The following NCK1 variants were observed in gnomAD, a reference collection of about 807,000 sequenced individuals.
The protein encoded by NCK1 is NCK adaptor protein 1, also known as SH2/SH3 adapter protein NCK1.
In NCK1, 19 loss-of-function variants were observed where a neutral mutation model predicts 36.6. The ratio of observed to expected loss-of-function variants is 0.52; its 90% CI spans 0.36 to 0.76. NCK1 has a LOEUF of 0.76. Among genes scored for constraint, NCK1 ranks in the 30% least tolerant of loss-of-function variants. NCK1 has a pLI of 0.00. For missense variants in NCK1, 358 were observed against 445.6 expected, an observed-to-expected ratio of 0.80 and a Z score of 1.77; for synonymous variants, 165 against 156.0, an observed-to-expected ratio of 1.06 and a Z score of -0.43.
chr3:136,893,146 TAG>T lies in NCK1; in HGVS notation c.-19+30794_-19+30795del, dbSNP rs1491458368. ...CTTTTTATGGCTAAGTAATATTCCATAGTGTGTGTGTGTGTGTGTGTGTGTGT... is the reference window on the plus strand; with the variant it reads ...CTTTTTATGGCTAAGTAATATTCCATTGTGTGTGTGTGTGTGTGTGTGTGT... On this transcript the variant is annotated intron_variant, in intron 1 of 3. Coordinates refer to ENST00000481752, the MANE Select transcript of NCK1 (RefSeq NM_001291999.2). Among the ~76,000 whole-genome samples, 13 of 81,764 alleles carry T rather than the reference TAG, an allele frequency of 1.6e-4. 1 individual carries two copies. The highest frequency in any genetic ancestry group is 6.1e-4 in the African/African-American group (13 of 21,328). The allele number at this position is 81,764 out of a possible 152,430, so 53.6% of individuals were successfully genotyped here.
chr3:136,909,971 C>T (rs1225917008), intron 1 of NCK1, among the ~76,000 whole-genome samples: 2 of 152,112 alleles, frequency 1.3e-5, no homozygotes, highest in African/African-American at 2.4e-5. Flanking sequence ...GTCTTTGGAT[C>T]TAAAGTGAGT....
chr3:136,899,707 G>T, intron 1 of NCK1: 2 of 801,264 alleles, frequency 2.5e-6, no homozygotes, highest in South Asian at 2.7e-5. Flanking sequence ...TTAGAGATAC[G>T]AGGAGACTTA....
At chr3:136,899,366 A>G (rs1231067219) in intron 1 of NCK1, 2 of 270,108 alleles carry the variant, frequency 7.4e-6, no homozygotes, top group Non-Finnish European at 1.5e-5. Context: ...TTACATTTGG[A>G]TTTAGGTTCC....
intron 1 of NCK1, among the ~76,000 whole-genome samples, chr3:136,926,726 T>G (rs1224053358): frequency 2.6e-5 from 4 of 152,228 alleles, no homozygotes; most frequent in Non-Finnish European, 1.5e-5. Context: ...CTTAGATTCA[T>G]TAGTTTTTAG....
intron 1 of NCK1, among the ~76,000 whole-genome samples, chr3:136,864,866 T>C (rs577580289): frequency 5.4e-4 from 82 of 150,668 alleles, no homozygotes; most frequent in African/African-American, 1.8e-3. Context: ...CAATCGATTC[T>C]TGTGCCTCGG....
At chr3:136,900,915 C>T (rs1939524732) in intron 1 of NCK1, among the ~76,000 whole-genome samples, 1 of 152,022 alleles carries the variant, frequency 6.6e-6, no homozygotes, top group African/African-American at 2.4e-5. Flanking sequence ...TTCCCTCTTG[C>T]CTGATTGGTC....
At chr3:136,914,269 G>A (rs570162547) in intron 1 of NCK1, among the ~76,000 whole-genome samples, 91 of 152,314 alleles carry the variant, frequency 6.0e-4, no homozygotes, top group African/African-American at 1.8e-3. Flanking sequence ...GAACACATGC[G>A]TGTCTGCCTG....
At chr3:136,906,983 G>A (rs749956215) in intron 1 of NCK1, among the ~76,000 whole-genome samples, 2 of 152,138 alleles carry the variant, frequency 1.3e-5, no homozygotes, top group Non-Finnish European at 2.9e-5. Flanking sequence ...GCTGTGGTAG[G>A]CAGGGGAGAG....
intron 1 of NCK1, among the ~76,000 whole-genome samples, chr3:136,923,105 A>ATGTG (rs34553311): frequency 2.8e-4 from 42 of 150,902 alleles, no homozygotes; most frequent in South Asian, 8.4e-4. Context: ...GCCTATGTGT[A>ATGTG]TGTGTGTGTG....
chr3:136,881,054 T>A (rs1938919248), intron 1 of NCK1, among the ~76,000 whole-genome samples: 2 of 152,138 alleles, frequency 1.3e-5, no homozygotes, highest in African/African-American at 4.8e-5. Flanking sequence ...GTGTCATACT[T>A]GATACCTTTC....
At chr3:136,896,242 T>C (rs1939387912) in intron 1 of NCK1, among the ~76,000 whole-genome samples, 1 of 152,196 alleles carries the variant, frequency 6.6e-6, no homozygotes, top group African/African-American at 2.4e-5. Context: ...ATACTTTTTC[T>C]TTAACAATAT....
At chr3:136,942,223 AT>A (rs1940697477) in intron 2 of NCK1, among the ~76,000 whole-genome samples, 1 of 152,056 alleles carries the variant, frequency 6.6e-6, no homozygotes, top group East Asian at 1.9e-4. Context: ...GTTCTCCTTC[AT>A]TTTTGAAGGA....
At chr3:136,892,748 T>G (rs1939281569) in intron 1 of NCK1, among the ~76,000 whole-genome samples, 2 of 152,170 alleles carry the variant, frequency 1.3e-5, no homozygotes, top group African/African-American at 4.8e-5. Context: ...TACACAGCAT[T>G]AGGCAATTAA....
chr3:136,949,333 G>A lies in NCK1; in HGVS notation c.*880G>A, dbSNP rs1362011292. 1 of 151,972 alleles carries A rather than the reference G, an allele frequency of 6.6e-6. No individual in the cohort carries two copies. The highest frequency in any genetic ancestry group is 2.4e-5 in the African/African-American group (1 of 41,412). The allele number at this position is 151,972 out of a possible 1,614,324, so 9.4% of individuals were successfully genotyped here. ...CCAAGTTTTGCAAAAACAGGAAGCA[G>A]TGAGATACTTGTTTTTTTCTCCTCA... On this transcript the variant is annotated 3_prime_UTR_variant, in exon 4 of 4. Transcript: ENST00000481752.
intron 1 of NCK1, among the ~76,000 whole-genome samples, chr3:136,896,736 A>G (rs1331625349): frequency 6.6e-6 from 1 of 152,144 alleles, no homozygotes; most frequent in East Asian, 1.9e-4. Flanking sequence ...CCTGGGCTCA[A>G]GCAGTCCTCC....
chr3:136,913,094 G>A lies in NCK1; in HGVS notation c.-18-14890G>A, dbSNP rs191223814. 4.8e-4 allele frequency among the ~76,000 whole-genome samples: 72 copies of A among 151,438 alleles called. No individual in the cohort carries two copies. In the Middle Eastern group the frequency reaches 0.01, roughly 21 times the overall value. On this transcript the variant is annotated intron_variant, in intron 1 of 3. Transcript: ENST00000481752. ...TTAAAAGTCTTTGTCTATTAGGCCC[G>A]TCTTCTGATCTTTCTCTGGGAAGGT...
At chr3:136,910,198 T>C (rs1014098663) in intron 1 of NCK1, among the ~76,000 whole-genome samples, 2 of 152,184 alleles carry the variant, frequency 1.3e-5, no homozygotes, top group Admixed American at 1.3e-4. Context: ...TCCATTCTAA[T>C]TTCCTTTTGT....
At chr3:136,883,486 G>C (rs943497655) in intron 1 of NCK1, among the ~76,000 whole-genome samples, 1 of 152,016 alleles carries the variant, frequency 6.6e-6, no homozygotes, top group Admixed American at 6.6e-5. Context: ...GCTGTAATTA[G>C]AGTAGCACTC....
chr3:136,922,018 C>T (rs557604669), intron 1 of NCK1, among the ~76,000 whole-genome samples: 42 of 152,248 alleles, frequency 2.8e-4, no homozygotes, highest in African/African-American at 8.2e-4. Flanking sequence ...TTCCTGACCT[C>T]GTGATCTGCC....
Sources: gnomAD v4.1 joint callset for allele counts (sites outside exome capture counted in the v4.1 genomes callset) on GRCh38, gnomAD v4.1.1 for gene constraint, MANE v1.5 for transcripts, NCBI Gene and HGNC (gene_info 2026-07-23, HGNC 2026-07-21) for gene names.